Variants in TBC1D5 observed in about 807,000 individuals in gnomAD.
The protein encoded by TBC1D5 is TBC1 domain family, member 5.
Under a neutral mutation model 100.3 loss-of-function variants are expected in TBC1D5, and 75 were observed. The ratio of observed to expected loss-of-function variants is 0.75; its 90% CI spans 0.62 to 0.91. The LOEUF (loss-of-function observed/expected upper bound fraction) is 0.91. Ranked by LOEUF, TBC1D5 falls within the 40% of genes least tolerant of loss-of-function variation. The pLI is 0.00. For synonymous variants in TBC1D5, 323 were observed against 325.6 expected, an observed-to-expected ratio of 0.99 and a Z score of 0.09; for missense variants, 910 against 942.4, an observed-to-expected ratio of 0.97 and a Z score of 0.45.
intron 3 of TBC1D5, among the ~76,000 whole-genome samples, chr3:17,434,501 T>G (rs991196254): frequency 6.6e-6 from 1 of 152,112 alleles, no homozygotes; most frequent in South Asian, 2.1e-4. Flanking sequence ...GCAGCTGGGA[T>G]CCAGGGCACG....
At chr3:17,363,058 TTC>T (rs1229349739) in intron 13 of TBC1D5, among the ~76,000 whole-genome samples, 6 of 152,206 alleles carry the variant, frequency 3.9e-5, no homozygotes, top group East Asian at 1.9e-4. Context: ...TTCATTTATT[TTC>T]TGTTATTGTT....
chr3:17,369,180 C>A (rs564795184), intron 13 of TBC1D5, among the ~76,000 whole-genome samples: 2 of 151,850 alleles, frequency 1.3e-5, no homozygotes, highest in Admixed American at 6.6e-5. Context: ...GTCTAAAACA[C>A]GGCTATTATA....
At chr3:17,586,440 G>C (rs2096733513) in intron 2 of TBC1D5, 1 of 152,084 alleles carries the variant, frequency 6.6e-6, no homozygotes, top group Non-Finnish European at 1.5e-5. Flanking sequence ...CTTAGGCTCA[G>C]TACAATAGAG....
chr3:17,270,184 C>T (rs1367068467), intron 15 of TBC1D5, among the ~76,000 whole-genome samples: 1 of 152,148 alleles, frequency 6.6e-6, no homozygotes, highest in East Asian at 1.9e-4. Context: ...TAATAATAGT[C>T]ATCCTGACTG....
At chr3:17,529,467 G>C (rs570690101) in intron 2 of TBC1D5, among the ~76,000 whole-genome samples, 1 of 151,840 alleles carries the variant, frequency 6.6e-6, no homozygotes, top group African/African-American at 2.4e-5. Flanking sequence ...TTCCATCATT[G>C]TACTTATCAC....
At chr3:17,518,036 A>G (rs2096013089) in intron 2 of TBC1D5, among the ~76,000 whole-genome samples, 1 of 152,200 alleles carries the variant, frequency 6.6e-6, no homozygotes, top group African/African-American at 2.4e-5. Context: ...ATTCTTCATA[A>G]GACAGCAGAT....
At chr3:17,473,575 A>G (rs2150168753) in intron 3 of TBC1D5, among the ~76,000 whole-genome samples, 1 of 152,352 alleles carries the variant, frequency 6.6e-6, no homozygotes, top group Middle Eastern at 3.4e-3. Context: ...GTACTTCTAC[A>G]AAGAATAAAA....
chr3:17,644,647 T>C (rs185476857), intron 1 of TBC1D5, among the ~76,000 whole-genome samples: 14 of 152,260 alleles, frequency 9.2e-5, no homozygotes, highest in African/African-American at 3.4e-4. Flanking sequence ...AAGAAAGATA[T>C]TAAAATGACT....
chr3:17,334,090 A>T (rs1020297465), intron 13 of TBC1D5, among the ~76,000 whole-genome samples: 7 of 152,056 alleles, frequency 4.6e-5, no homozygotes, highest in Non-Finnish European at 1.0e-4. Flanking sequence ...TAAGACTGAA[A>T]GGATTAAGGT....
At chr3:17,454,088 C>T (rs1288318715) in intron 3 of TBC1D5, among the ~76,000 whole-genome samples, 1 of 152,090 alleles carries the variant, frequency 6.6e-6, no homozygotes, top group Non-Finnish European at 1.5e-5. Context: ...AGGATAAACG[C>T]CTTTAAAAAA....
intron 13 of TBC1D5, among the ~76,000 whole-genome samples, chr3:17,337,798 C>T (rs540775797): frequency 2.4e-4 from 37 of 152,142 alleles, no homozygotes; most frequent in Non-Finnish European, 4.6e-4. Context: ...TAACTGTTAA[C>T]GAGTACCAAA....
chr3:17,583,268 G>C (rs907503940), intron 2 of TBC1D5, among the ~76,000 whole-genome samples: 1 of 151,914 alleles, frequency 6.6e-6, no homozygotes, highest in African/African-American at 2.4e-5. Context: ...CTGGGAGACA[G>C]AGTGACACCC....
At chr3:17,602,457 C>A (rs1383331019) in intron 2 of TBC1D5, among the ~76,000 whole-genome samples, 4 of 151,100 alleles carry the variant, frequency 2.6e-5, no homozygotes, top group Non-Finnish European at 5.9e-5. Context: ...AAGCTCTGTG[C>A]TTCAGTCAAT....
At chr3:17,256,061 T>A (rs918672527) in intron 16 of TBC1D5, among the ~76,000 whole-genome samples, 2 of 152,058 alleles carry the variant, frequency 1.3e-5, no homozygotes, top group Non-Finnish European at 2.9e-5. Context: ...CAAAAAAAAT[T>A]TGAAATAAGA....
chr3:17,157,406 C>T (rs1289188022), exon 22 of TBC1D5: 1 of 152,240 alleles, frequency 6.6e-6, no homozygotes, highest in Non-Finnish European at 1.5e-5. Flanking sequence ...CTTTATATAT[C>T]TTTTTAACAG....
chr3:17,198,215 C>G (rs568699807), intron 18 of TBC1D5, among the ~76,000 whole-genome samples: 12 of 152,280 alleles, frequency 7.9e-5, no homozygotes, highest in African/African-American at 2.9e-4. Flanking sequence ...TTTATAGGGG[C>G]TAGGGCTGGT....
In TBC1D5 at chr3:17,493,410, A is replaced by C. The variant is rs1423861512; in HGVS notation, c.97+15064T>G. On this transcript the variant is annotated intron_variant, in intron 3 of 21. Transcript: ENST00000253692. ...TTTGACCTTGGAGAATCTGATGATT[A>C]TGTCTTGGGGTTGATCTTCTCAGGA... Among the ~76,000 whole-genome samples, 3 of 151,876 alleles carry C rather than the reference A, an allele frequency of 2.0e-5. No individual in the cohort carries two copies. The East Asian group carries it at 5.8e-4, about 29-fold the overall frequency.
At chr3:17,716,157 C>G (rs1029027627) in intron 1 of TBC1D5, among the ~76,000 whole-genome samples, 1 of 152,130 alleles carries the variant, frequency 6.6e-6, no homozygotes, top group Non-Finnish European at 1.5e-5. Context: ...AAAAAGACAA[C>G]ACCATTGAGA....
intron 1 of TBC1D5, among the ~76,000 whole-genome samples, chr3:17,693,151 G>A (rs533736782): frequency 6.6e-6 from 1 of 152,346 alleles, no homozygotes; most frequent in East Asian, 1.9e-4. Flanking sequence ...TCAGTCTGCA[G>A]CTCCCAGAGT....
Sources: gnomAD v4.1 joint callset for allele counts (sites outside exome capture counted in the v4.1 genomes callset) on GRCh38, gnomAD v4.1.1 for gene constraint, MANE v1.5 for transcripts, NCBI Gene and HGNC (gene_info 2026-07-23, HGNC 2026-07-21) for gene names.